The following GSK3B variants were observed in gnomAD, a reference collection of about 807,000 sequenced individuals.
GSK3B encodes the protein glycogen synthase kinase-3 beta.
A neutral mutation model predicts 56.4 loss-of-function variants in GSK3B; 15 were observed. The ratio of observed to expected loss-of-function variants is 0.27; its 90% confidence interval spans 0.18 to 0.41. The LOEUF (loss-of-function observed/expected upper bound fraction) is 0.41, where lower values mean the gene tolerates loss of function less well. GSK3B is among the 10% of genes least tolerant of loss of function. GSK3B has a pLI of 1.00. For synonymous variants in GSK3B, 181 were observed against 188.9 expected, an observed-to-expected ratio of 0.96 and a Z score of 0.34; for missense variants, 300 against 513.4, an observed-to-expected ratio of 0.58 and a Z score of 4.02.
chr3:119,827,585 TAA>T (rs1156408098), intron 10 of GSK3B, among the ~76,000 whole-genome samples: 7 of 42,102 alleles, frequency 1.7e-4, no homozygotes, highest in African/African-American at 3.5e-4. Context: ...ATACCGTCTT[TAA>T]AAAAAAAAAA....
At chr3:119,983,001 T>C (rs1271172939) in intron 2 of GSK3B, among the ~76,000 whole-genome samples, 1 of 152,162 alleles carries the variant, frequency 6.6e-6, no homozygotes, top group East Asian at 1.9e-4. Context: ...AGACTAACAG[T>C]GGATCTCTCG....
intron 8 of GSK3B, chr3:119,866,577 A>AT: frequency 6.3e-7 from 1 of 1,587,548 alleles, no homozygotes; most frequent in Non-Finnish European, 8.6e-7. Context: ...GGAAAAAAAA[A>AT]TTAAGTACAT....
intron 10 of GSK3B, among the ~76,000 whole-genome samples, chr3:119,836,951 T>C (rs1376751931): frequency 6.6e-6 from 1 of 152,216 alleles, no homozygotes; most frequent in Non-Finnish European, 1.5e-5. Flanking sequence ...TACAATTGGG[T>C]AGAAAATCCA....
intron 4 of GSK3B, 71 bp downstream of exon 4, chr3:119,923,302 A>AT: frequency 8.0e-6 from 6 of 752,420 alleles, no homozygotes; most frequent in Non-Finnish European, 1.4e-5. Context: ...TATAGTTAAA[A>AT]CATAAAAGAG....
intron 1 of GSK3B, among the ~76,000 whole-genome samples, chr3:120,022,563 A>AAG (rs138598577): frequency 6.6e-6 from 1 of 151,344 alleles, no homozygotes; most frequent in African/African-American, 2.4e-5. Flanking sequence ...CTCCCCACAA[A>AAG]AGAGAGAGAG....
At chr3:119,936,077 C>T (rs574371594) in intron 3 of GSK3B, among the ~76,000 whole-genome samples, 12 of 151,856 alleles carry the variant, frequency 7.9e-5, no homozygotes, top group Admixed American at 6.6e-4. Context: ...AGAGAACTTC[C>T]TCAACTGATA....
chr3:119,843,320 A>T lies in GSK3B; in HGVS notation c.1130T>A (p.Leu377His). 6.2e-7 allele frequency: 1 copy of T among 1,610,784 alleles called. No individual in the cohort carries two copies. The highest frequency in any genetic ancestry group is 8.5e-7 in the Non-Finnish European group (1 of 1,177,450). Residue 377 changes from leucine to histidine, a missense_variant, in exon 10 of 11, where the codon CTT (leucine) becomes CAT (histidine). This residue lies in a region of GSK3B where 88 missense variants were observed against 92.7 expected (regional missense o/e 0.95). Transcript: ENST00000264235. ...LSSNPPLATI[L>H]IPPHARIQAA... ...TTGAATCCGAGCATGAGGAGGAATA[A>T]GGATGGTAGCCAGAGGTGGATTACT...
intron 1 of GSK3B, among the ~76,000 whole-genome samples, chr3:120,006,175 T>C (rs1047640760): frequency 3.3e-5 from 5 of 152,200 alleles, no homozygotes; most frequent in East Asian, 3.8e-4. Flanking sequence ...AGAGGGCCAT[T>C]ACATAATGGT....
At chr3:119,869,232 A>AAAAC (rs1364551829) in intron 8 of GSK3B, among the ~76,000 whole-genome samples, 2 of 150,054 alleles carry the variant, frequency 1.3e-5, no homozygotes, top group African/African-American at 4.9e-5. Flanking sequence ...TCAAAAAAAA[A>AAAAC]AAAAAAAAAA....
chr3:119,931,459 T>C (rs939698452), intron 3 of GSK3B, among the ~76,000 whole-genome samples: 1 of 151,896 alleles, frequency 6.6e-6, no homozygotes, highest in Non-Finnish European at 1.5e-5. Context: ...CTACCAAAAA[T>C]ACAAAAGTTA....
At chr3:119,955,855 G>A (rs1251866157) in intron 2 of GSK3B, among the ~76,000 whole-genome samples, 1 of 152,076 alleles carries the variant, frequency 6.6e-6, no homozygotes, top group Non-Finnish European at 1.5e-5. Context: ...TTTTCACCAT[G>A]TTGGCCAGGC....
At chr3:120,052,880 C>T (rs922372574) in intron 1 of GSK3B, among the ~76,000 whole-genome samples, 5 of 152,240 alleles carry the variant, frequency 3.3e-5, no homozygotes, top group South Asian at 4.1e-4. Flanking sequence ...CCTCAATAGC[C>T]GTGTGAGATA....
chr3:120,035,639 T>C (rs542649967), intron 1 of GSK3B, among the ~76,000 whole-genome samples: 1 of 152,320 alleles, frequency 6.6e-6, no homozygotes, highest in East Asian at 1.9e-4. Flanking sequence ...TTTTTTTAGG[T>C]ATTCATTAAT....
At chr3:120,053,292 G>A (rs371464989) in intron 1 of GSK3B, among the ~76,000 whole-genome samples, 5 of 152,130 alleles carry the variant, frequency 3.3e-5, no homozygotes, top group South Asian at 2.1e-4. Flanking sequence ...AGCCCAGATC[G>A]CGCCACTACA....
At position 120,069,137 on chromosome 3, in the gene GSK3B, C is replaced by T. The variant is rs2058305716; in HGVS notation, c.88+24210G>A. On this transcript the variant is annotated intron_variant, in intron 1 of 10. Coordinates refer to ENST00000264235, the MANE Select transcript of GSK3B (RefSeq NM_001146156.2). ...AGTAGTGAGGGGCTGTCTGCTGCTC[C>T]TCTAAAAATGTCCTGACAGGGACGA... Among the ~76,000 whole-genome samples the T allele has an allele frequency of 1.3e-5, 2 of 152,166 alleles. 1 individual carries two copies. The highest frequency in any genetic ancestry group is 2.9e-5 in the Non-Finnish European group (2 of 68,032).
chr3:119,931,343 C>T (rs1396937390), intron 3 of GSK3B, among the ~76,000 whole-genome samples: 1 of 152,208 alleles, frequency 6.6e-6, no homozygotes, highest in Non-Finnish European at 1.5e-5. Context: ...AGGCCGGGCA[C>T]AGTGGCTCAC....
intron 1 of GSK3B, among the ~76,000 whole-genome samples, chr3:120,062,080 C>G (rs991991898): frequency 6.6e-6 from 1 of 152,180 alleles, no homozygotes. Flanking sequence ...AAACCCTTGT[C>G]AGCAACTAAG....
chr3:120,004,990 G>T (rs745648924), intron 1 of GSK3B, among the ~76,000 whole-genome samples: 4 of 152,110 alleles, frequency 2.6e-5, no homozygotes, highest in Admixed American at 6.6e-5. Context: ...AGTTAAAGAA[G>T]TATGTTCTAA....
intron 3 of GSK3B, among the ~76,000 whole-genome samples, chr3:119,926,303 T>C (rs1376542921): frequency 6.7e-6 from 1 of 150,214 alleles, no homozygotes; most frequent in East Asian, 2.0e-4. Flanking sequence ...CTTAATCAAC[T>C]CCCAGCCCCT....
Sources: allele counts gnomAD v4.1 joint callset (sites outside exome capture counted in the v4.1 genomes callset), GRCh38; gene constraint gnomAD v4.1.1; regional missense constraint gnomAD v4.1.1; transcripts MANE v1.5; gene names NCBI Gene and HGNC (gene_info 2026-07-23, HGNC 2026-07-21).